Variants in KCNJ16 observed in about 807,000 individuals in gnomAD.
KCNJ16 encodes potassium inwardly rectifying channel subfamily J member 16.
KCNJ16 carries 15 observed loss-of-function variants against 18.5 expected under a neutral mutation model. That is an observed-to-expected ratio of 0.81 (90% CI 0.54 to 1.25). The LOEUF (loss-of-function observed/expected upper bound fraction) is 1.25. Ranked by LOEUF, KCNJ16 falls within the 50% of genes most tolerant of loss-of-function variation. The pLI, the probability that KCNJ16 is intolerant of heterozygous loss-of-function variation, is 0.00. For missense variants in KCNJ16, 523 were observed against 525.7 expected, an observed-to-expected ratio of 0.99 and a Z score of 0.05; for synonymous variants, 174 against 186.5, an observed-to-expected ratio of 0.93 and a Z score of 0.55.
chr17:70,095,610 TC>T (rs1253426490), intron 1 of KCNJ16, among the ~76,000 whole-genome samples: 6 of 152,170 alleles, frequency 3.9e-5, no homozygotes, highest in African/African-American at 1.4e-4. Flanking sequence ...GTGCCTGTCT[TC>T]CTTGCAAGCT....
intron 2 of KCNJ16, among the ~76,000 whole-genome samples, chr17:70,112,282 G>A (rs993936709): frequency 2.8e-4 from 42 of 151,902 alleles, no homozygotes; most frequent in African/African-American, 8.9e-4. Context: ...GTCTTCTCTC[G>A]TAAATGTTTC....
intron 1 of KCNJ16, among the ~76,000 whole-genome samples, chr17:70,079,768 TCTC>T (rs2071474179): frequency 2.0e-5 from 3 of 152,228 alleles, no homozygotes; most frequent in Non-Finnish European, 1.5e-5. Flanking sequence ...AGTGGCATGA[TCTC>T]GGCCCACTGC....
intron 2 of KCNJ16, among the ~76,000 whole-genome samples, chr17:70,129,897 C>A (rs2073996759): frequency 6.9e-6 from 1 of 145,182 alleles, no homozygotes; most frequent in South Asian, 2.3e-4. Flanking sequence ...CAAATAAAAC[C>A]TTTCATTTAT....
chr17:70,110,659 G>A (rs745507704), intron 2 of KCNJ16, among the ~76,000 whole-genome samples: 7 of 152,152 alleles, frequency 4.6e-5, no homozygotes, highest in Non-Finnish European at 7.3e-5. Flanking sequence ...AGGATGCCCT[G>A]TGACATCACC....
At chr17:70,116,984 C>A (rs896068885) in intron 2 of KCNJ16, among the ~76,000 whole-genome samples, 10 of 152,052 alleles carry the variant, frequency 6.6e-5, no homozygotes, top group Non-Finnish European at 8.8e-5. Context: ...AATCATTCAC[C>A]AAAAGTCTCA....
At chr17:70,114,507 C>T (rs1310331406) in intron 2 of KCNJ16, among the ~76,000 whole-genome samples, 2 of 152,262 alleles carry the variant, frequency 1.3e-5, no homozygotes, top group Admixed American at 6.5e-5. Flanking sequence ...ACCAAAGCAG[C>T]TCCCATACAA....
chr17:70,103,324 A>ACACACACACACACACATAT (rs142139198), intron 2 of KCNJ16, among the ~76,000 whole-genome samples: 74 of 113,356 alleles, frequency 6.5e-4, no homozygotes, highest in Non-Finnish European at 7.7e-4. Flanking sequence ...ATATATATAC[A>ACACACACACACACACATAT]CACACATATA....
intron 1 of KCNJ16, among the ~76,000 whole-genome samples, chr17:70,082,727 C>T (rs968252236): frequency 3.3e-5 from 5 of 152,046 alleles, no homozygotes; most frequent in African/African-American, 7.2e-5. Flanking sequence ...GTGGCCAGAA[C>T]GTCTTTTCAC....
chr17:70,087,991 C>T (rs1274266772), intron 1 of KCNJ16, among the ~76,000 whole-genome samples: 2 of 114,942 alleles, frequency 1.7e-5, no homozygotes, highest in Non-Finnish European at 3.2e-5. Context: ...CACTGCACTG[C>T]AGCCTGGGCG....
chr17:70,113,868 A>G (rs1210359749), intron 2 of KCNJ16, among the ~76,000 whole-genome samples: 1 of 152,168 alleles, frequency 6.6e-6, no homozygotes, highest in Admixed American at 6.6e-5. Context: ...AGATTCTATC[A>G]AATACACTAA....
At chr17:70,104,564 C>A (rs9902949) in intron 2 of KCNJ16, among the ~76,000 whole-genome samples, 124,568 of 152,002 alleles carry the variant, frequency 0.82, 51,215 homozygotes, top group East Asian at 0.96. Flanking sequence ...ACTTAAGAAG[C>A]ACACACTTGG....
At chr17:70,093,339 T>A (rs1479232313) in intron 1 of KCNJ16, among the ~76,000 whole-genome samples, 4 of 152,194 alleles carry the variant, frequency 2.6e-5, no homozygotes, top group Non-Finnish European at 4.4e-5. Flanking sequence ...GAATGTCCCC[T>A]TTCCACTTTT....
intron 1 of KCNJ16, among the ~76,000 whole-genome samples, chr17:70,078,934 C>T (rs1028731546): frequency 6.6e-6 from 1 of 152,122 alleles, no homozygotes; most frequent in Non-Finnish European, 1.5e-5. Context: ...TCACTATGAA[C>T]TCTATTACAC....
chr17:70,121,597 C>T (rs1265645706), intron 2 of KCNJ16, among the ~76,000 whole-genome samples: 5 of 152,108 alleles, frequency 3.3e-5, no homozygotes, highest in Admixed American at 3.3e-4. Flanking sequence ...TGGAAAGAAA[C>T]TGGAGAGTTT....
chr17:70,103,296 G>GTGTGTA (rs1408960241), intron 2 of KCNJ16, among the ~76,000 whole-genome samples: 2 of 72,050 alleles, frequency 2.8e-5, no homozygotes, highest in East Asian at 5.6e-4. Context: ...ATGTGTGTGT[G>GTGTGTA]TATATATATA....
intron 1 of KCNJ16, among the ~76,000 whole-genome samples, chr17:70,085,648 A>T (rs1182915081): frequency 6.6e-6 from 1 of 152,216 alleles, no homozygotes; most frequent in Non-Finnish European, 1.5e-5. Context: ...ATAATAAAGG[A>T]GAATGAAACC....
chr17:70,119,894 G>T (rs2073562806), intron 2 of KCNJ16, among the ~76,000 whole-genome samples: 1 of 152,146 alleles, frequency 6.6e-6, no homozygotes, highest in Non-Finnish European at 1.5e-5. Context: ...CTTGAATTTG[G>T]CTCCCCAAAA....
intron 2 of KCNJ16, among the ~76,000 whole-genome samples, chr17:70,113,845 AC>A (rs1186072956): frequency 7.2e-5 from 11 of 152,252 alleles, no homozygotes; most frequent in Non-Finnish European, 8.8e-5. Flanking sequence ...ATTAAAAAAA[AC>A]ATGGAAATTC....
intron 2 of KCNJ16, among the ~76,000 whole-genome samples, chr17:70,127,206 G>A (rs2073885434): frequency 6.6e-6 from 1 of 152,118 alleles, no homozygotes; most frequent in Non-Finnish European, 1.5e-5. Flanking sequence ...GGGAAGAAAA[G>A]GTGTAGGACA....
Sources: gnomAD v4.1 joint callset for allele counts (sites outside exome capture counted in the v4.1 genomes callset) on GRCh38, gnomAD v4.1.1 for gene constraint, MANE v1.5 for transcripts, NCBI Gene and HGNC (gene_info 2026-07-23, HGNC 2026-07-21) for gene names.